Variants in NTM observed in about 807,000 individuals in gnomAD.
The protein encoded by NTM is IgLON family member 2.
Under a neutral mutation model 42.1 loss-of-function variants are expected in NTM, and 13 were observed. The ratio of observed to expected loss-of-function variants is 0.31; its 90% confidence interval spans 0.20 to 0.49. The LOEUF (loss-of-function observed/expected upper bound fraction) is 0.49. Ranked by LOEUF, NTM falls within the 20% of genes least tolerant of loss-of-function variation. The probability of loss-of-function intolerance (pLI) is 0.99; values close to 1 mark genes in which losing one functional copy is unlikely to be tolerated. For missense variants in NTM, 373 were observed against 452.8 expected (o/e 0.82, Z 1.60); for synonymous variants, 187 against 179.2 (o/e 1.04, Z -0.35).
At chr11:132,276,696 G>A (rs554592353) in intron 4 of NTM, among the ~76,000 whole-genome samples, 4 of 152,248 alleles carry the variant, frequency 2.6e-5, no homozygotes, top group Admixed American at 2.6e-4. Flanking sequence ...TCATCCACAT[G>A]GTGCTGCATT....
intron 7 of NTM, among the ~76,000 whole-genome samples, chr11:132,322,326 G>A (rs2095588309): frequency 6.6e-6 from 1 of 151,312 alleles, no homozygotes; most frequent in Non-Finnish European, 1.5e-5. Context: ...ATAAAAGGAT[G>A]GAGGAAGATC....
intron 1 of NTM, among the ~76,000 whole-genome samples, chr11:131,399,164 T>G (rs373923238): frequency 1.3e-5 from 2 of 152,164 alleles, no homozygotes; most frequent in Non-Finnish European, 2.9e-5. Context: ...TCAGGTCCAT[T>G]GTTCTTTAAA....
chr11:131,733,636 A>T (rs1405908238), intron 1 of NTM, among the ~76,000 whole-genome samples: 2 of 151,946 alleles, frequency 1.3e-5, no homozygotes, highest in Non-Finnish European at 2.9e-5. Context: ...ACCAGGTTCA[A>T]GTGATTCTCC....
chr11:131,632,673 CTTTTTTTT>C (rs529612626), intron 1 of NTM, among the ~76,000 whole-genome samples: 2 of 83,060 alleles, frequency 2.4e-5, no homozygotes, highest in African/African-American at 9.9e-5. Context: ...GCTCGGGCAG[CTTTTTTTT>C]TTTTTTTTTT....
chr11:131,548,525 A>T lies in NTM; in HGVS notation c.82+177637A>T, dbSNP rs894561056. 6.6e-5 allele frequency among the ~76,000 whole-genome samples: 10 copies of T among 152,336 alleles called. No homozygotes were observed. In the East Asian group the frequency reaches 1.2e-3, roughly 18 times the overall value. On this transcript the variant is annotated intron_variant, in intron 1 of 8. Coordinates refer to ENST00000683400, the MANE Select transcript of NTM (RefSeq NM_001352005.2). The stretch of plus-strand genomic sequence containing the variant: ...TTATAATAATTATGATAACATTTAC[A>T]TTAAATGTGATGCTGACAAGGCTTT...
intron 2 of NTM, among the ~76,000 whole-genome samples, chr11:132,133,435 T>C (rs952674723): frequency 1.3e-5 from 2 of 152,246 alleles, no homozygotes; most frequent in Non-Finnish European, 2.9e-5. Context: ...AATGAACATT[T>C]GGCAAATAAA....
intron 1 of NTM, among the ~76,000 whole-genome samples, chr11:131,607,600 G>A (rs1223005519): frequency 6.6e-6 from 1 of 152,158 alleles, no homozygotes; most frequent in Non-Finnish European, 1.5e-5. Context: ...TGGGGTCAGG[G>A]TTAGCAGAGC....
chr11:131,425,568 A>C (rs1948048983), intron 1 of NTM, among the ~76,000 whole-genome samples: 1 of 152,198 alleles, frequency 6.6e-6, no homozygotes, highest in South Asian at 2.1e-4. Flanking sequence ...TATTGATAAG[A>C]CACAGCCAAG....
At chr11:132,289,879 C>A (rs555356414) in intron 4 of NTM, among the ~76,000 whole-genome samples, 1 of 152,198 alleles carries the variant, frequency 6.6e-6, no homozygotes, top group Non-Finnish European at 1.5e-5. Flanking sequence ...CCTTATCTTT[C>A]CACATCCTCA....
intron 2 of NTM, among the ~76,000 whole-genome samples, chr11:131,974,308 TTG>T (rs1007812642): frequency 5.9e-5 from 9 of 152,214 alleles, no homozygotes; most frequent in South Asian, 4.1e-4. Context: ...AATGAATGAA[TTG>T]TGTTAAAATT....
At chr11:131,700,130 G>C (rs1001158530) in intron 1 of NTM, among the ~76,000 whole-genome samples, 1 of 151,986 alleles carries the variant, frequency 6.6e-6, no homozygotes, top group African/African-American at 2.4e-5. Flanking sequence ...GAGCATTTTG[G>C]GTTCCTTTCT....
At chr11:131,691,973 G>T (rs2074823351) in intron 1 of NTM, among the ~76,000 whole-genome samples, 1 of 152,156 alleles carries the variant, frequency 6.6e-6, no homozygotes, top group Non-Finnish European at 1.5e-5. Context: ...CCCCCTCCTG[G>T]ATGGGACTGC....
At chr11:131,398,971 A>G (rs1053351615) in intron 1 of NTM, among the ~76,000 whole-genome samples, 3 of 152,232 alleles carry the variant, frequency 2.0e-5, no homozygotes, top group African/African-American at 7.2e-5. Context: ...AAAAACTGCA[A>G]TAAATATTGT....
intron 1 of NTM, among the ~76,000 whole-genome samples, chr11:131,691,216 G>A (rs2074650092): frequency 1.3e-5 from 2 of 152,190 alleles, no homozygotes; most frequent in East Asian, 1.9e-4. Context: ...CCCCCGCAGT[G>A]CCAGGGCGGT....
intron 1 of NTM, among the ~76,000 whole-genome samples, chr11:131,628,517 G>A (rs1030470954): frequency 1.3e-5 from 2 of 152,178 alleles, no homozygotes; most frequent in Non-Finnish European, 2.9e-5. Flanking sequence ...GCATGTGTGT[G>A]TGCACGCCAG....
intron 1 of NTM, among the ~76,000 whole-genome samples, chr11:131,555,128 C>T (rs2055229409): frequency 6.6e-6 from 1 of 152,138 alleles, no homozygotes; most frequent in South Asian, 2.1e-4. Flanking sequence ...TGCCACTGCA[C>T]TCCAGGCTGG....
At chr11:131,866,058 C>CT (rs1335713043) in intron 1 of NTM, among the ~76,000 whole-genome samples, 1 of 148,892 alleles carries the variant, frequency 6.7e-6, no homozygotes, top group Non-Finnish European at 1.5e-5. Context: ...ACACACACTA[C>CT]ACACACACCC....
At chr11:132,220,673 GA>G (rs2084963606) in intron 4 of NTM, among the ~76,000 whole-genome samples, 1 of 152,138 alleles carries the variant, frequency 6.6e-6, no homozygotes, top group Non-Finnish European at 1.5e-5. Context: ...GATGTCTGCT[GA>G]ATTCAGACAT....
At chr11:132,168,258 C>G (rs1236809182) in intron 3 of NTM, among the ~76,000 whole-genome samples, 3 of 152,196 alleles carry the variant, frequency 2.0e-5, no homozygotes, top group Non-Finnish European at 4.4e-5. Context: ...CTAAAGAGGG[C>G]AAATCCTAGG....
Sources: gnomAD v4.1 joint callset for allele counts (sites outside exome capture counted in the v4.1 genomes callset) on GRCh38, gnomAD v4.1.1 for gene constraint, MANE v1.5 for transcripts, NCBI Gene and HGNC (gene_info 2026-07-23, HGNC 2026-07-21) for gene names.